Variants in USP6NL observed in about 807,000 individuals in gnomAD.
USP6NL encodes the protein USP6 N-terminal-like protein.
USP6NL carries 26 observed loss-of-function variants against 61.9 expected under a neutral mutation model. That is an observed-to-expected ratio of 0.42 (90% confidence interval 0.31 to 0.58). The LOEUF (loss-of-function observed/expected upper bound fraction) is 0.58. Ranked by LOEUF, USP6NL falls within the 20% of genes least tolerant of loss-of-function variation. The probability of loss-of-function intolerance (pLI) is 0.16; values close to 1 mark genes in which losing one functional copy is unlikely to be tolerated. For missense variants in USP6NL, 1,114 were observed against 1,034.3 expected (o/e 1.08, Z -1.06); for synonymous variants, 432 against 390.1 (o/e 1.11, Z -1.27).
chr10:11,586,246 A>C (rs1837957608), intron 2 of USP6NL, among the ~76,000 whole-genome samples: 1 of 152,190 alleles, frequency 6.6e-6, no homozygotes, highest in Admixed American at 6.5e-5. Flanking sequence ...TCTTTTCCAG[A>C]AAGGCAAAAT....
rs566471294 is a variant in USP6NL at position 11,488,795 on chromosome 10, A to G, written c.664+307T>C. Among the ~76,000 whole-genome samples, 11 of 152,312 alleles carry G rather than the reference A, an allele frequency of 7.2e-5. No individual in the cohort carries two copies. The South Asian group carries it at 2.1e-3, about 29-fold the overall frequency. The stretch of plus-strand genomic sequence containing the variant: ...TAAAAGGCATCTTTTATTTCTCCCA[A>G]TAATATACCTGTTCTTAAATTCCTC... On this transcript the variant is annotated intron_variant, in intron 10 of 14. Coordinates refer to ENST00000609104, the MANE Select transcript of USP6NL (RefSeq NM_014688.5).
intron 6 of USP6NL, among the ~76,000 whole-genome samples, chr10:11,507,914 G>T (rs771722922): frequency 6.6e-5 from 10 of 152,188 alleles, no homozygotes; most frequent in Non-Finnish European, 1.0e-4. Flanking sequence ...CAGAGCTGGG[G>T]TTTGACCCAT....
chr10:11,510,824 CCT>C lies in USP6NL; in HGVS notation c.196-1151_196-1150del, dbSNP rs1834679255. Among the ~76,000 whole-genome samples, 1 of 152,204 alleles carries C rather than the reference CCT, an allele frequency of 6.6e-6. No individual in the cohort carries two copies. The highest frequency in any genetic ancestry group is 2.4e-5 in the African/African-American group (1 of 41,458). ...CTTAAGGGACTTGTCCCAAGTCACC[CCT>C]CTCATAAGTGGTAGAAGACGGATTC... On this transcript the variant is annotated intron_variant, in intron 5 of 14. Coordinates refer to ENST00000609104, the MANE Select transcript of USP6NL (RefSeq NM_014688.5). The surrounding 1 kb of genome is among the most constrained non-coding windows in gnomAD (Gnocchi z 4.8).
intron 1 of USP6NL, among the ~76,000 whole-genome samples, chr10:11,605,818 A>G (rs61464786): frequency 0.12 from 18,328 of 152,208 alleles, 1,679 homozygotes; most frequent in East Asian, 0.42. Context: ...AAAATATTCA[A>G]AACAAAAAAG....
chr10:11,565,534 T>G (rs1393651836), intron 2 of USP6NL: 3 of 151,442 alleles, frequency 2.0e-5, no homozygotes, highest in African/African-American at 7.3e-5. Flanking sequence ...CCCAGCTACT[T>G]GGGAGGCTGA....
At chr10:11,483,366 G>A (rs897202489) in intron 13 of USP6NL, among the ~76,000 whole-genome samples, 2 of 150,528 alleles carry the variant, frequency 1.3e-5, no homozygotes, top group Non-Finnish European at 3.0e-5. Flanking sequence ...GCAGATGAGA[G>A]CTACAAAGAA....
rs1191636114 is a variant in USP6NL, at chr10:11,465,227, T to A, written c.1079-1378A>T. ...TAAGGGCAGAACCCAGTAATCTGAT[T>A]GGCTAATTCAGTGGCTGGCTGATAT... On this transcript the variant is annotated intron_variant, in intron 14 of 14. Coordinates refer to ENST00000609104, the MANE Select transcript of USP6NL (RefSeq NM_014688.5). The surrounding 1 kb of genome is among the most constrained non-coding windows in gnomAD (Gnocchi z 4.5). 6.6e-6 allele frequency among the ~76,000 whole-genome samples: 1 copy of A among 152,240 alleles called. No homozygotes were observed. Among genetic ancestry groups the A allele is most frequent in the Non-Finnish European group, 1.5e-5 (1 of 68,044 alleles).
In USP6NL at chr10:11,562,849, T is replaced by A; in HGVS notation, c.4+34782A>T. On this transcript the variant is annotated intron_variant, in intron 2 of 14. Coordinates refer to ENST00000609104, the MANE Select transcript of USP6NL (RefSeq NM_014688.5). This position sits in a 1 kb window ranked among gnomAD's most constrained non-coding sequence, Gnocchi z 4.8. The stretch of plus-strand genomic sequence containing the variant: ...TAGAAGAATAATAGTAAGGGTCTTT[T>A]GGTAGTTTCTTGAAAAAGTAGACAT... 1 of 925,710 alleles carries A rather than the reference T, an allele frequency of 1.1e-6. No individual in the cohort carries two copies. The highest frequency in any genetic ancestry group is 1.3e-6 in the Non-Finnish European group (1 of 775,580). The allele number at this position is 925,710 out of a possible 1,614,324, so 57.3% of individuals were successfully genotyped here. A position where few individuals can be genotyped will look rare whatever the true frequency, so the allele number is the denominator to read the frequency against.
At chr10:11,484,034 C>T (rs1833354441) in intron 13 of USP6NL, among the ~76,000 whole-genome samples, 1 of 152,256 alleles carries the variant, frequency 6.6e-6, no homozygotes, top group Admixed American at 6.5e-5. Flanking sequence ...ATGCCAAGCA[C>T]AGCAGAGAGA....
At chr10:11,593,608 C>T (rs1838227610) in intron 2 of USP6NL, among the ~76,000 whole-genome samples, 1 of 152,112 alleles carries the variant, frequency 6.6e-6, no homozygotes, top group Admixed American at 6.5e-5. Flanking sequence ...TAATAAAGTA[C>T]AATCCACAAT....
At chr10:11,503,876 A>C (rs1330714067) in intron 6 of USP6NL, among the ~76,000 whole-genome samples, 2 of 152,216 alleles carry the variant, frequency 1.3e-5, no homozygotes, top group African/African-American at 4.8e-5. Flanking sequence ...AGATGTTATA[A>C]AAGATGACTG....
At chr10:11,549,186 T>C (rs1836396054) in intron 2 of USP6NL, among the ~76,000 whole-genome samples, 1 of 152,166 alleles carries the variant, frequency 6.6e-6, no homozygotes, top group African/African-American at 2.4e-5. Flanking sequence ...CTAACCGACC[T>C]TGAGCCTCAA....
At chr10:11,538,115 T>C (rs941782875) in intron 2 of USP6NL, among the ~76,000 whole-genome samples, 2 of 152,206 alleles carry the variant, frequency 1.3e-5, no homozygotes, top group African/African-American at 4.8e-5. Context: ...GTTAAAATTT[T>C]TTCTCACACC....
chr10:11,580,179 G>C (rs538996943), intron 2 of USP6NL, among the ~76,000 whole-genome samples: 1 of 152,258 alleles, frequency 6.6e-6, no homozygotes, highest in African/African-American at 2.4e-5. Flanking sequence ...CTTGTCCTGA[G>C]TAACATCTGA....
rs1429810066 is a variant in USP6NL, at chr10:11,602,840, A to G, written c.-83-5123T>C. On this transcript the variant is annotated intron_variant, in intron 1 of 14. Coordinates refer to ENST00000609104, the MANE Select transcript of USP6NL (RefSeq NM_014688.5). The surrounding 1 kb of genome is among the most constrained non-coding windows in gnomAD (Gnocchi z 4.8). ...TCAGGTAAGAGATACTCAACCTGTC[A>G]TATCTTCTCATTAGAAATTATTTCA... 1.3e-5 allele frequency among the ~76,000 whole-genome samples: 2 copies of G among 152,208 alleles called. No homozygotes were observed. Among genetic ancestry groups the G allele is most frequent in the South Asian group, 2.1e-4 (1 of 4,832 alleles).
Position 11,553,742 on chromosome 10 carries a change from A to G in USP6NL, c.5-26175T>C, listed in dbSNP as rs1179021689. Among the ~76,000 whole-genome samples the G allele has an allele frequency of 6.6e-6, 1 of 152,076 alleles. No individual in the cohort carries two copies. The highest frequency in any genetic ancestry group is 1.9e-4 in the East Asian group (1 of 5,194). ...GAAACCCCGTCTCTACTAAAAATAC[A>G]AAAATTAGCAAGGCATGGTGGTGGG... is the stretch of plus-strand genomic sequence containing the variant. On this transcript the variant is annotated intron_variant, in intron 2 of 14. Transcript: ENST00000609104. This position sits in a 1 kb window ranked among gnomAD's most constrained non-coding sequence, Gnocchi z 4.8.
intron 5 of USP6NL, among the ~76,000 whole-genome samples, chr10:11,515,087 C>T (rs1288419199): frequency 6.6e-6 from 1 of 152,188 alleles, no homozygotes; most frequent in Non-Finnish European, 1.5e-5. Context: ...AGGATTAAAA[C>T]TGGAACCAAT....
chr10:11,516,603 T>C (rs766589776), intron 5 of USP6NL, among the ~76,000 whole-genome samples: 23 of 152,110 alleles, frequency 1.5e-4, no homozygotes, highest in Non-Finnish European at 2.6e-4. Flanking sequence ...AAAAGGCAAG[T>C]CATGCAATAT....
In USP6NL at chr10:11,495,733, CTTCTT is replaced by C. The variant is rs756627298; in HGVS notation, c.385-2510_385-2506del. 3.6e-4 allele frequency among the ~76,000 whole-genome samples: 55 copies of C among 152,168 alleles called. No homozygotes were observed. The highest frequency in any genetic ancestry group is 6.9e-4 in the Non-Finnish European group (47 of 68,030). ...TATTAAAAATAGTTTTTTAGATTCT[CTTCTT>C]TACACTATAATCTGTTTCTTACAAG... On this transcript the variant is annotated intron_variant, in intron 7 of 14. Transcript: ENST00000609104. This position sits in a 1 kb window ranked among gnomAD's most constrained non-coding sequence, Gnocchi z 4.6.
Sources: allele counts gnomAD v4.1 joint callset (sites outside exome capture counted in the v4.1 genomes callset), GRCh38; gene constraint gnomAD v4.1.1; non-coding constraint Gnocchi (gnomAD v3.1); transcripts MANE v1.5; gene names NCBI Gene and HGNC (gene_info 2026-07-23, HGNC 2026-07-21).